The following OR52W1 variants were observed in gnomAD, a reference collection of about 807,000 sequenced individuals.
OR52W1 encodes olfactory receptor family 52 subfamily W member 1.
For synonymous variants in OR52W1, 158 were observed against 165.1 expected (o/e 0.96, Z 0.33); for missense variants, 418 against 391.9 (o/e 1.07, Z -0.56).
At position 6,199,880 on chromosome 11, in the gene OR52W1, C is replaced by T; in HGVS notation, c.657C>T (p.Ile219=). Residue 219 remains isoleucine, a synonymous_variant, in exon 1 of 1, where the codon ATC becomes ATT. Coordinates refer to ENST00000311352, the MANE Select transcript of OR52W1 (RefSeq NM_001005178.1). ...TCTCAGGTATGGATATTCTGGGTATCACTGGCTCCTATGGACTCATTGCCC... is the reference window on the plus strand; with the variant it reads ...TCTCAGGTATGGATATTCTGGGTATTACTGGCTCCTATGGACTCATTGCCC... The part of the protein sequence containing the change: ...LAISGMDILG[I]TGSYGLIAHA... 6.2e-7 allele frequency: 1 copy of T among 1,614,146 alleles called. No homozygotes were observed. The highest frequency in any genetic ancestry group is 8.5e-7 in the Non-Finnish European group (1 of 1,179,968).
Position 6,199,488 on chromosome 11 carries a change from G to T in OR52W1, c.265G>T (p.Val89Leu). 6.2e-7 allele frequency: 1 copy of T among 1,614,248 alleles called. No homozygotes were observed. The highest frequency in any genetic ancestry group is 8.5e-7 in the Non-Finnish European group (1 of 1,180,040). Reference protein sequence around the residue: ...ATSIAPGLLAVLWLGPRSVPY... With the variant: ...ATSIAPGLLALLWLGPRSVPY... The stretch of plus-strand genomic sequence containing the variant: ...ATCTATAGCCCCAGGGTTGCTGGCT[G>T]TGCTGTGGCTTGGGCCCCGATCTGT... The change falls in exon 1 of 1, where the codon GTG becomes TTG. Residue 89 changes from valine (V) to leucine (L), a missense_variant. By Grantham distance (32) the Val-to-Leu change is conservative (BLOSUM62 1). Transcript: ENST00000311352.
chr11:6,199,295 G>A lies in OR52W1; in HGVS notation c.72G>A (p.Gly24=), dbSNP rs1173867584. Residue 24 remains glycine (G), a synonymous_variant, in exon 1 of 1, where the codon GGG becomes GGA. Coordinates refer to ENST00000311352, the MANE Select transcript of OR52W1 (RefSeq NM_001005178.1). ...TCTTCATACTGACTGGCTTTCCAGG[G>A]CTAGGAAGTGCCCAGACTTGGCTGA... is the stretch of plus-strand genomic sequence containing the variant. ...PNFFILTGFP[G]LGSAQTWLTL... is the part of the protein sequence containing the mutation. 1 of 1,614,094 alleles carries A rather than the reference G, an allele frequency of 6.2e-7. No individual in the cohort carries two copies. The highest frequency in any genetic ancestry group is 8.5e-7 in the Non-Finnish European group (1 of 1,179,968).
Position 6,199,477 on chromosome 11 carries a change from G to C in OR52W1, c.254G>C (p.Gly85Ala). Reference sequence around the variant, plus strand: ...GGCTTAGCCACATCTATAGCCCCAGGGTTGCTGGCTGTGCTGTGGCTTGGG... The same window carrying C: ...GGCTTAGCCACATCTATAGCCCCAGCGTTGCTGGCTGTGCTGTGGCTTGGG... ...DLGLATSIAPGLLAVLWLGPR... is the reference protein window; with the variant it reads ...DLGLATSIAPALLAVLWLGPR... The change falls in exon 1 of 1, where the codon GGG becomes GCG. Residue 85 changes from glycine to alanine, a missense_variant. Coordinates refer to ENST00000311352, the MANE Select transcript of OR52W1 (RefSeq NM_001005178.1). 1.9e-6 allele frequency: 3 copies of C among 1,614,254 alleles called. No homozygotes were observed. Among genetic ancestry groups the C allele is most frequent in the Non-Finnish European group, 8.5e-7 (1 of 1,180,038 alleles).
Position 6,200,121 on chromosome 11 carries a change from G to A in OR52W1, c.898G>A (p.Ala300Thr), listed in dbSNP as rs1337250973. 3 of 1,611,012 alleles carry A rather than the reference G, an allele frequency of 1.9e-6. No individual in the cohort carries two copies. Among genetic ancestry groups the A allele is most frequent in the Non-Finnish European group, 2.5e-6 (3 of 1,179,956 alleles). The change falls in exon 1 of 1, where the codon GCC becomes ACC. Residue 300 changes from alanine (A) to threonine (T), a missense_variant. By Grantham distance (58) the Ala-to-Thr change is moderately conservative. Coordinates refer to ENST00000311352, the MANE Select transcript of OR52W1 (RefSeq NM_001005178.1). ...PPALNPLIYG[A>T]RTKQIRDRLL... is the part of the protein sequence containing the mutation. Reference sequence around the variant, plus strand: ...TGCCCTCAACCCCCTCATCTATGGGGCCCGCACCAAGCAGATCAGAGACCG... The same window carrying A: ...TGCCCTCAACCCCCTCATCTATGGGACCCGCACCAAGCAGATCAGAGACCG...
chr11:6,199,695 G>T lies in OR52W1; in HGVS notation c.472G>T (p.Val158Leu). ...YAALALALKA[V>L]AIVVPFPLLV... The stretch of plus-strand genomic sequence containing the variant: ...AGCCTTGGCCCTGGCACTGAAAGCT[G>T]TGGCTATTGTTGTACCTTTCCCACT... Residue 158 changes from valine to leucine, a missense_variant, in exon 1 of 1, where the codon GTG (valine) becomes TTG (leucine). Transcript: ENST00000311352. The T allele has an allele frequency of 6.2e-7, 1 of 1,614,246 alleles. No individual in the cohort carries two copies. The highest frequency in any genetic ancestry group is 8.5e-7 in the Non-Finnish European group (1 of 1,180,044).
chr11:6,199,680 C>T lies in OR52W1; in HGVS notation c.457C>T (p.Leu153=), dbSNP rs1427476472. 3 of 1,614,128 alleles carry T rather than the reference C, an allele frequency of 1.9e-6. No individual in the cohort carries two copies. The African/African-American group carries it at 4.0e-5, about 22-fold the overall frequency. The part of the protein sequence containing the change: ...KACVGYAALA[L]ALKAVAIVVP... The stretch of plus-strand genomic sequence containing the variant: ...CTGTGTGGGTTATGCAGCCTTGGCC[C>T]TGGCACTGAAAGCTGTGGCTATTGT... The change falls in exon 1 of 1, where the codon CTG becomes TTG. Residue 153 remains leucine, a synonymous_variant. Transcript: ENST00000311352.
At position 6,199,406 on chromosome 11, in the gene OR52W1, C is replaced by T; in HGVS notation, c.183C>T (p.His61=). 1 of 1,614,052 alleles carries T rather than the reference C, an allele frequency of 6.2e-7. No homozygotes were observed. The highest frequency in any genetic ancestry group is 8.5e-7 in the Non-Finnish European group (1 of 1,179,904). ...TGGTGTGGATAGACTCCACACTGCA[C>T]CAGCCCATGTTTCTACTGTTGGCCA... ...PAVVWIDSTL[H]QPMFLLLAIL... The change falls in exon 1 of 1, where the codon CAC becomes CAT. Residue 61 remains histidine, a synonymous_variant. Transcript: ENST00000311352.
chr11:6,199,524 G>C lies in OR52W1; in HGVS notation c.301G>C (p.Val101Leu). 6.2e-7 allele frequency: 1 copy of C among 1,614,190 alleles called. No homozygotes were observed. Residue 101 changes from valine (V) to leucine (L), a missense_variant, in exon 1 of 1, where the codon GTG (valine) becomes CTG (leucine). Transcript: ENST00000311352. The part of the protein sequence containing the change: ...WLGPRSVPYA[V>L]CLVQMFFVHA... ...TGGGCCCCGATCTGTGCCATATGCT[G>C]TGTGCCTGGTCCAGATGTTCTTTGT...
Position 6,199,519 on chromosome 11 carries a change from A to G in OR52W1, c.296A>G (p.Tyr99Cys), listed in dbSNP as rs755448830. 5 of 1,614,142 alleles carry G rather than the reference A, an allele frequency of 3.1e-6. No individual in the cohort carries two copies. In the East Asian group the frequency reaches 1.1e-4, roughly 36 times the overall value. The change falls in exon 1 of 1, where the codon TAT becomes TGT. Residue 99 changes from tyrosine to cysteine, a missense_variant. Coordinates refer to ENST00000311352, the MANE Select transcript of OR52W1 (RefSeq NM_001005178.1). ...TGGCTTGGGCCCCGATCTGTGCCATATGCTGTGTGCCTGGTCCAGATGTTC... is the reference window on the plus strand; with the variant it reads ...TGGCTTGGGCCCCGATCTGTGCCATGTGCTGTGTGCCTGGTCCAGATGTTC... ...VLWLGPRSVP[Y>C]AVCLVQMFFV...
chr11:6,199,534 T>C lies in OR52W1; in HGVS notation c.311T>C (p.Val104Ala). ...TCTGTGCCATATGCTGTGTGCCTGG[T>C]CCAGATGTTCTTTGTACATGCACTG... ...PRSVPYAVCL[V>A]QMFFVHALTA... is the part of the protein sequence containing the mutation. The change falls in exon 1 of 1, where the codon GTC becomes GCC. Residue 104 changes from valine to alanine, a missense_variant. Physicochemically the swap from Val to Ala is moderately conservative, Grantham distance 64. Coordinates refer to ENST00000311352, the MANE Select transcript of OR52W1 (RefSeq NM_001005178.1). 2 of 1,614,204 alleles carry C rather than the reference T, an allele frequency of 1.2e-6. No homozygotes were observed. The highest frequency in any genetic ancestry group is 1.7e-6 in the Non-Finnish European group (2 of 1,180,028).
At position 6,199,815 on chromosome 11, in the gene OR52W1, C is replaced by G. The variant is rs759235846; in HGVS notation, c.592C>G (p.Gln198Glu). Reference sequence around the variant, plus strand: ...GGTAGAACTGGTGGTGGGTAACACACAGGCCACCAACTTATATGGTCTGGC... The same window carrying G: ...GGTAGAACTGGTGGTGGGTAACACAGAGGCCACCAACTTATATGGTCTGGC... ...AVVELVVGNT[Q>E]ATNLYGLALS... The change falls in exon 1 of 1, where the codon CAG becomes GAG. Residue 198 changes from glutamine (Q) to glutamate (E), a missense_variant. Coordinates refer to ENST00000311352, the MANE Select transcript of OR52W1 (RefSeq NM_001005178.1). 3 of 1,614,064 alleles carry G rather than the reference C, an allele frequency of 1.9e-6. No homozygotes were observed. In the Admixed American group the frequency reaches 5.0e-5, roughly 27 times the overall value.
Position 6,199,328 on chromosome 11 carries a change from C to G in OR52W1, c.105C>G (p.Val35=). The G allele has an allele frequency of 6.2e-7, 1 of 1,614,140 alleles. No individual in the cohort carries two copies. The highest frequency in any genetic ancestry group is 8.5e-7 in the Non-Finnish European group (1 of 1,179,978). ...GTGCCCAGACTTGGCTGACACTGGT[C>G]TTTGGGCCCATTTATCTGCTGGCCC... ...LGSAQTWLTL[V]FGPIYLLALL... is the part of the protein sequence containing the mutation. Residue 35 remains valine (V), a synonymous_variant, in exon 1 of 1, where the codon GTC becomes GTG. Coordinates refer to ENST00000311352, the MANE Select transcript of OR52W1 (RefSeq NM_001005178.1).
chr11:6,199,725 G>A lies in OR52W1; in HGVS notation c.502G>A (p.Val168Met). ...VAIVVPFPLL[V>M]AKFEHFQAKT... Reference sequence around the variant, plus strand: ...TATTGTTGTACCTTTCCCACTGCTGGTGGCAAAGTTTGAGCACTTCCAAGC... The same window carrying A: ...TATTGTTGTACCTTTCCCACTGCTGATGGCAAAGTTTGAGCACTTCCAAGC... The change falls in exon 1 of 1, where the codon GTG becomes ATG. Residue 168 changes from valine to methionine, a missense_variant. By Grantham distance (21) the Val-to-Met change is conservative. Coordinates refer to ENST00000311352, the MANE Select transcript of OR52W1 (RefSeq NM_001005178.1). 2 of 1,614,218 alleles carry A rather than the reference G, an allele frequency of 1.2e-6. No individual in the cohort carries two copies. Among genetic ancestry groups the A allele is most frequent in the Middle Eastern group, 1.7e-4 (1 of 6,060 alleles).
At position 6,199,828 on chromosome 11, in the gene OR52W1, T is replaced by C; in HGVS notation, c.605T>C (p.Leu202Ser). ...LVVGNTQATN[L>S]YGLALSLAIS... ...GTGGGTAACACACAGGCCACCAACT[T>C]ATATGGTCTGGCACTTTCACTGGCC... is the stretch of plus-strand genomic sequence containing the variant. Residue 202 changes from leucine to serine, a missense_variant, in exon 1 of 1, where the codon TTA (leucine) becomes TCA (serine). Leu to Ser is a moderately radical substitution (Grantham distance 145). Coordinates refer to ENST00000311352, the MANE Select transcript of OR52W1 (RefSeq NM_001005178.1). The C allele has an allele frequency of 6.2e-7, 1 of 1,614,162 alleles. No homozygotes were observed. Among genetic ancestry groups the C allele is most frequent in the Non-Finnish European group, 8.5e-7 (1 of 1,180,016 alleles).
rs1846911249 is a variant in OR52W1 at position 6,200,064 on chromosome 11, C to G, written c.841C>G (p.Leu281Val). Reference sequence around the variant, plus strand: ...CACTGTCCCAAAGCCTGTGCACATCCTTCTCTCCAACATCTACTTGCTGCT... The same window carrying G: ...CACTGTCCCAAAGCCTGTGCACATCGTTCTCTCCAACATCTACTTGCTGCT... ...HHTVPKPVHI[L>V]LSNIYLLLPP... Residue 281 changes from leucine to valine, a missense_variant, in exon 1 of 1, where the codon CTT becomes GTT. Transcript: ENST00000311352. The G allele has an allele frequency of 6.2e-7, 1 of 1,613,940 alleles. No homozygotes were observed. The highest frequency in any genetic ancestry group is 1.1e-5 in the South Asian group (1 of 91,092).
chr11:6,199,686 C>CT lies in OR52W1; in HGVS notation c.464dup (p.Lys156GlufsTer17). On this transcript the variant is annotated frameshift_variant, in exon 1 of 1. Transcript: ENST00000311352. LOFTEE classifies it low-confidence loss of function (END_TRUNC). ...GGGTTATGCAGCCTTGGCCCTGGCA[C>CT]TGAAAGCTGTGGCTATTGTTGTACC... The CT allele has an allele frequency of 6.2e-7, 1 of 1,614,226 alleles. No individual in the cohort carries two copies. Among genetic ancestry groups the CT allele is most frequent in the African/African-American group, 1.3e-5 (1 of 75,072 alleles).
rs1269631959 is a variant in OR52W1 at position 6,199,833 on chromosome 11, G to A, written c.610G>A (p.Gly204Ser). ...VGNTQATNLYGLALSLAISGM... is the reference protein window; with the variant it reads ...VGNTQATNLYSLALSLAISGM... The stretch of plus-strand genomic sequence containing the variant: ...TAACACACAGGCCACCAACTTATAT[G>A]GTCTGGCACTTTCACTGGCCATCTC... Residue 204 changes from glycine to serine, a missense_variant, in exon 1 of 1, where the codon GGT becomes AGT. Coordinates refer to ENST00000311352, the MANE Select transcript of OR52W1 (RefSeq NM_001005178.1). The A allele has an allele frequency of 6.2e-7, 1 of 1,614,050 alleles. No individual in the cohort carries two copies. Among genetic ancestry groups the A allele is most frequent in the Non-Finnish European group, 8.5e-7 (1 of 1,180,026 alleles).
Position 6,199,694 on chromosome 11 carries a change from T to C in OR52W1, c.471T>C (p.Ala157=). 6.2e-7 allele frequency: 1 copy of C among 1,614,222 alleles called. No individual in the cohort carries two copies. The highest frequency in any genetic ancestry group is 8.5e-7 in the Non-Finnish European group (1 of 1,180,040). The stretch of plus-strand genomic sequence containing the variant: ...CAGCCTTGGCCCTGGCACTGAAAGC[T>C]GTGGCTATTGTTGTACCTTTCCCAC... ...GYAALALALK[A]VAIVVPFPLL... The change falls in exon 1 of 1, where the codon GCT becomes GCC. Residue 157 remains alanine (A), a synonymous_variant. Transcript: ENST00000311352.
chr11:6,199,360 G>T lies in OR52W1; in HGVS notation c.137G>T (p.Gly46Val). Residue 46 changes from glycine to valine, a missense_variant, in exon 1 of 1, where the codon GGC becomes GTC. Coordinates refer to ENST00000311352, the MANE Select transcript of OR52W1 (RefSeq NM_001005178.1). Reference protein sequence around the residue: ...FGPIYLLALLGNGALPAVVWI... With the variant: ...FGPIYLLALLVNGALPAVVWI... ...CCCATTTATCTGCTGGCCCTGCTGGGCAATGGAGCACTGCCGGCAGTGGTG... is the reference window on the plus strand; with the variant it reads ...CCCATTTATCTGCTGGCCCTGCTGGTCAATGGAGCACTGCCGGCAGTGGTG... 2 of 1,614,202 alleles carry T rather than the reference G, an allele frequency of 1.2e-6. No individual in the cohort carries two copies. The highest frequency in any genetic ancestry group is 1.7e-6 in the Non-Finnish European group (2 of 1,180,028).
Sources: allele counts gnomAD v4.1 joint callset, GRCh38; gene constraint gnomAD v4.1.1; transcripts MANE v1.5; gene names NCBI Gene and HGNC (gene_info 2026-07-23, HGNC 2026-07-21).